THSD7A: variants seen among roughly 807,000 people sequenced by gnomAD.
THSD7A encodes thrombospondin type-1 domain-containing protein 7A.
In THSD7A, 96 loss-of-function variants were observed where a neutral mutation model predicts 231.3. The ratio of observed to expected loss-of-function variants is 0.41; its 90% CI spans 0.35 to 0.49. The LOEUF (loss-of-function observed/expected upper bound fraction) is 0.49, where lower values mean the gene tolerates loss of function less well. THSD7A is among the 20% of genes least tolerant of loss of function. The pLI, the probability that THSD7A is intolerant of heterozygous loss-of-function variation, is 0.05. For missense variants in THSD7A, 2,290 were observed against 2,070.2 expected, an observed-to-expected ratio of 1.11 and a Z score of -2.06; for synonymous variants, 940 against 743.3, an observed-to-expected ratio of 1.26 and a Z score of -4.30.
In THSD7A at chr7:11,783,491, T is replaced by A. The variant is rs117419605; in HGVS notation, c.190+48266A>T. Among the ~76,000 whole-genome samples the A allele has an allele frequency of 5.3e-4, 81 of 152,282 alleles. No homozygotes were observed. In the East Asian group the frequency reaches 0.013, roughly 25 times the overall value. ...TCAGAACCATATGTATACCATTTGG[T>A]CATCCCATTAAGGAGCAAGGGAGTT... is the stretch of plus-strand genomic sequence containing the variant. On this transcript the variant is annotated intron_variant, in intron 1 of 27. Coordinates refer to ENST00000423059, the MANE Select transcript of THSD7A (RefSeq NM_015204.3).
intron 22 of THSD7A, among the ~76,000 whole-genome samples, chr7:11,402,520 C>A (rs1783441221): frequency 6.6e-6 from 1 of 152,174 alleles, no homozygotes; most frequent in African/African-American, 2.4e-5. Flanking sequence ...TTCCTCTGAT[C>A]TACATCCTCA....
At chr7:11,457,158 G>A (rs6949070) in intron 11 of THSD7A, among the ~76,000 whole-genome samples, 6,628 of 151,872 alleles carry the variant, frequency 0.044, 465 homozygotes, top group African/African-American at 0.15. Context: ...TTCACTCTAT[G>A]GAAATGTTAC....
chr7:11,593,145 TA>T (rs1284009371), intron 3 of THSD7A, 108 bp downstream of exon 3: 3 of 1,413,264 alleles, frequency 2.1e-6, no homozygotes, highest in East Asian at 2.3e-5. Flanking sequence ...TTTGTAAAGA[TA>T]TTTTTTATGT....
At chr7:11,720,507 C>A (rs1414768429) in intron 1 of THSD7A, among the ~76,000 whole-genome samples, 1 of 151,754 alleles carries the variant, frequency 6.6e-6, no homozygotes, top group Non-Finnish European at 1.5e-5. Context: ...TGAAGATTCT[C>A]TCCTCTTAAT....
intron 4 of THSD7A, among the ~76,000 whole-genome samples, chr7:11,567,851 C>T (rs1026222446): frequency 6.6e-6 from 1 of 152,122 alleles, no homozygotes; most frequent in Non-Finnish European, 1.5e-5. Flanking sequence ...TTTTCCTTTT[C>T]TCTCCCTCAA....
At position 11,541,627 on chromosome 7, in the gene THSD7A, G is replaced by A; in HGVS notation, c.1614C>T (p.Phe538=). 6.2e-7 allele frequency: 1 copy of A among 1,613,692 alleles called. No homozygotes were observed. Among genetic ancestry groups the A allele is most frequent in the Non-Finnish European group, 8.5e-7 (1 of 1,179,766 alleles). Residue 538 remains phenylalanine, a synonymous_variant, in exon 6 of 28, where the codon TTC becomes TTT. Coordinates refer to ENST00000423059, the MANE Select transcript of THSD7A (RefSeq NM_015204.3). ...TGGTAATGCGCCGCTTCCTCAGTTT[G>A]AAGCCTGAATTATGGGGGAAGGAAA... ...NCNDQQGKKG[F]KLRKRRITNE... is the part of the protein sequence containing the mutation.
At chr7:11,414,961 G>A (rs1452445552) in intron 17 of THSD7A, among the ~76,000 whole-genome samples, 2 of 152,190 alleles carry the variant, frequency 1.3e-5, no homozygotes, top group Non-Finnish European at 2.9e-5. Context: ...AGGCCTGAGT[G>A]AAGAAACAAT....
chr7:11,609,130 A>G (rs1001776613), intron 2 of THSD7A, among the ~76,000 whole-genome samples: 2 of 116,860 alleles, frequency 1.7e-5, no homozygotes, highest in African/African-American at 3.9e-5. Flanking sequence ...ATTTATATTA[A>G]TCCTGCTCAA....
chr7:11,650,573 C>T (rs1482196299), intron 1 of THSD7A, among the ~76,000 whole-genome samples: 1 of 151,990 alleles, frequency 6.6e-6, no homozygotes, highest in African/African-American at 2.4e-5. Context: ...AAGTTGTGCA[C>T]AAGTGAGTGC....
chr7:11,397,471 T>C (rs1324433160), intron 23 of THSD7A, among the ~76,000 whole-genome samples: 2 of 152,174 alleles, frequency 1.3e-5, no homozygotes, highest in African/African-American at 4.8e-5. Context: ...GAAGAAAACC[T>C]AGGCAATACT....
At chr7:11,483,645 C>T (rs1786523165) in intron 6 of THSD7A, among the ~76,000 whole-genome samples, 1 of 152,056 alleles carries the variant, frequency 6.6e-6, no homozygotes. Flanking sequence ...AATGATGACT[C>T]TTTTTTCTAC....
At chr7:11,650,615 C>T (rs865808320) in intron 1 of THSD7A, among the ~76,000 whole-genome samples, 5 of 151,942 alleles carry the variant, frequency 3.3e-5, no homozygotes, top group African/African-American at 1.2e-4. Context: ...CTTGCACTAC[C>T]ATGTCAGAGA....
intron 1 of THSD7A, among the ~76,000 whole-genome samples, chr7:11,785,043 G>C (rs1004937460): frequency 6.6e-6 from 1 of 151,990 alleles, no homozygotes; most frequent in African/African-American, 2.4e-5. Context: ...CTTTATGCAG[G>C]AGGTCTTAAT....
chr7:11,495,119 G>C (rs767026379), intron 6 of THSD7A, among the ~76,000 whole-genome samples: 4 of 151,918 alleles, frequency 2.6e-5, no homozygotes, highest in Non-Finnish European at 5.9e-5. Context: ...TTTCAAACTT[G>C]TAGCTTGCTA....
intron 19 of THSD7A, among the ~76,000 whole-genome samples, chr7:11,407,955 T>C (rs1160921576): frequency 6.6e-6 from 1 of 152,108 alleles, no homozygotes; most frequent in Non-Finnish European, 1.5e-5. Flanking sequence ...GAAATATGGG[T>C]CACCAAAGTT....
intron 9 of THSD7A, among the ~76,000 whole-genome samples, chr7:11,464,699 T>C (rs1785632102): frequency 6.6e-6 from 1 of 152,094 alleles, no homozygotes; most frequent in Admixed American, 6.6e-5. Context: ...AAAGTTCAAA[T>C]TCCTTAACCT....
At chr7:11,378,838 A>T (rs1217230252) in intron 26 of THSD7A, 21 of 511,320 alleles carry the variant, frequency 4.1e-5, no homozygotes, top group Non-Finnish European at 6.3e-5. Flanking sequence ...AATTATATTG[A>T]TCCAAAATTT....
At chr7:11,513,975 G>A (rs1213326652) in intron 6 of THSD7A, among the ~76,000 whole-genome samples, 1 of 150,580 alleles carries the variant, frequency 6.6e-6, no homozygotes, top group African/African-American at 2.4e-5. Flanking sequence ...ATACCCTCTT[G>A]GCCCCAGACA....
intron 9 of THSD7A, 109 bp from the exon 10 acceptor site, chr7:11,462,252 A>G: frequency 8.0e-7 from 1 of 1,252,792 alleles, no homozygotes; most frequent in East Asian, 2.5e-5. Flanking sequence ...GTGCTTTGAC[A>G]TCCCTGAGAG....
Sources: gnomAD v4.1 joint callset for allele counts (sites outside exome capture counted in the v4.1 genomes callset) on GRCh38, gnomAD v4.1.1 for gene constraint, MANE v1.5 for transcripts, NCBI Gene and HGNC (gene_info 2026-07-23, HGNC 2026-07-21) for gene names.